The following INPP5D variants were observed in gnomAD, a reference collection of about 807,000 sequenced individuals.
INPP5D encodes the protein phosphatidylinositol 3,4,5-trisphosphate 5-phosphatase 1.
A neutral mutation model predicts 122.9 loss-of-function variants in INPP5D; 33 were observed. That is an observed-to-expected ratio of 0.27 (90% CI 0.20 to 0.36). The LOEUF (loss-of-function observed/expected upper bound fraction) is 0.36, where lower values mean the gene tolerates loss of function less well. Ranked by LOEUF, INPP5D falls within the 10% of genes least tolerant of loss-of-function variation. INPP5D has a pLI of 1.00. For missense variants in INPP5D, 1,053 were observed against 1,412.7 expected (o/e 0.75, Z 4.08); for synonymous variants, 584 against 576.2 (o/e 1.01, Z -0.19).
intron 1 of INPP5D, among the ~76,000 whole-genome samples, chr2:233,072,677 T>C (rs2106202716): frequency 6.6e-6 from 1 of 152,364 alleles, no homozygotes; most frequent in African/African-American, 2.4e-5. Context: ...TTTCCTCCCA[T>C]GTCACTTCTG....
intron 6 of INPP5D, among the ~76,000 whole-genome samples, chr2:233,142,817 G>C (rs1693659109): frequency 6.6e-6 from 1 of 152,150 alleles, no homozygotes; most frequent in Admixed American, 6.5e-5. Context: ...AACAGGCTAA[G>C]CTGTGAATTC....
intron 5 of INPP5D, among the ~76,000 whole-genome samples, chr2:233,138,885 A>G (rs1425603221): frequency 6.6e-6 from 1 of 150,766 alleles, no homozygotes; most frequent in African/African-American, 2.4e-5. Flanking sequence ...AGCTGGAACT[A>G]CAGGAGCCCG....
chr2:233,148,591 G>C (rs562950836), intron 9 of INPP5D, among the ~76,000 whole-genome samples: 1 of 152,248 alleles, frequency 6.6e-6, no homozygotes, highest in South Asian at 2.1e-4. Flanking sequence ...GCCCAGTGCG[G>C]GGCCACATGG....
At chr2:233,191,689 C>T (rs915813373) in intron 22 of INPP5D, among the ~76,000 whole-genome samples, 3 of 152,126 alleles carry the variant, frequency 2.0e-5, no homozygotes, top group South Asian at 2.1e-4. Flanking sequence ...ACTTGGTGAG[C>T]GCAGTGTCCG....
rs1183737422 is a variant in INPP5D, at chr2:233,184,416, A to G, written c.2170A>G (p.Thr724Ala). Residue 724 changes from threonine (T) to alanine (A), a missense_variant, in exon 20 of 27, where the codon ACT becomes GCT. Thr to Ala is a moderately conservative substitution (Grantham distance 58). Around this residue, in one of 6 missense-constraint regions of INPP5D, gnomAD observed 258 missense variants for 439.1 expected, o/e 0.59. Coordinates refer to ENST00000445964, the MANE Select transcript of INPP5D (RefSeq NM_001017915.3). ...GTTCTCCCCTGTTCCAGGTCCCGGGACTGTTGACAGCCAAGGACAGATTGA... is the reference window on the plus strand; with the variant it reads ...GTTCTCCCCTGTTCCAGGTCCCGGGGCTGTTGACAGCCAAGGACAGATTGA... Reference protein sequence around the residue: ...SQFVSKNGPGTVDSQGQIEFL... With the variant: ...SQFVSKNGPGAVDSQGQIEFL... 1 of 1,613,966 alleles carries G rather than the reference A, an allele frequency of 6.2e-7. No homozygotes were observed. Among genetic ancestry groups the G allele is most frequent in the South Asian group, 1.1e-5 (1 of 91,080 alleles).
chr2:233,166,976 T>C (rs1302084948), intron 13 of INPP5D, among the ~76,000 whole-genome samples: 10 of 149,706 alleles, frequency 6.7e-5, no homozygotes, highest in Admixed American at 6.6e-4. Context: ...AGAGCGAGAC[T>C]CTATCTCAAA....
intron 9 of INPP5D, among the ~76,000 whole-genome samples, chr2:233,148,644 G>A (rs1371470388): frequency 6.6e-6 from 1 of 152,148 alleles, no homozygotes; most frequent in Admixed American, 6.5e-5. Context: ...GCTGACGAAA[G>A]CATGAGAGTT....
chr2:233,151,719 C>G (rs36171197), intron 9 of INPP5D, among the ~76,000 whole-genome samples: 77,463 of 152,024 alleles, frequency 0.51, 20,403 homozygotes, highest in East Asian at 0.67. Flanking sequence ...TGGATTTTTT[C>G]GTTGTTGTTA....
rs927676742 is a variant in INPP5D at position 233,187,435 on chromosome 2, G to A, written c.2358+1510G>A. Reference sequence around the variant, plus strand: ...GGAGATTCCCTCAGAGGTGACACTCGAGGTGAATTTTAAAAGGACAGTCTT... The same window carrying A: ...GGAGATTCCCTCAGAGGTGACACTCAAGGTGAATTTTAAAAGGACAGTCTT... On this transcript the variant is annotated intron_variant, in intron 21 of 26. Transcript: ENST00000445964. Among the ~76,000 whole-genome samples the A allele has an allele frequency of 8.5e-5, 13 of 152,146 alleles. No homozygotes were observed. The East Asian group carries it at 9.6e-4, about 11-fold the overall frequency.
chr2:233,079,205 C>G (rs981746926), intron 1 of INPP5D, 130 bp from the exon 2 acceptor site: 5 of 652,418 alleles, frequency 7.7e-6, no homozygotes, highest in African/African-American at 7.2e-5. Context: ...CTTAAGAGAA[C>G]GGTCAGCTCC....
intron 17 of INPP5D, among the ~76,000 whole-genome samples, chr2:233,173,221 A>AG (rs1441942404): frequency 1.2e-3 from 180 of 152,012 alleles, no homozygotes; most frequent in Non-Finnish European, 2.1e-3. Context: ...AAAAAAAAAA[A>AG]AAAAAAGAAG....
intron 2 of INPP5D, among the ~76,000 whole-genome samples, chr2:233,101,354 G>A (rs1034874242): frequency 6.6e-6 from 1 of 152,040 alleles, no homozygotes; most frequent in Non-Finnish European, 1.5e-5. Context: ...TGTGTTATCA[G>A]CTCACATCTG....
intron 2 of INPP5D, among the ~76,000 whole-genome samples, chr2:233,098,549 C>G (rs901069920): frequency 1.9e-4 from 29 of 152,196 alleles, no homozygotes; most frequent in African/African-American, 7.0e-4. Flanking sequence ...AAATCCACTC[C>G]TGGATCCCGG....
chr2:233,161,620 T>C (rs565079247), intron 10 of INPP5D, 104 bp from the exon 11 acceptor site: 41 of 1,420,056 alleles, frequency 2.9e-5, no homozygotes, highest in Non-Finnish European at 3.8e-5. Flanking sequence ...TTCACACTGA[T>C]TTACGCTCCT....
At position 233,204,848 on chromosome 2, in the gene INPP5D, G is replaced by A. The variant is rs138939955; in HGVS notation, c.3567+131G>A. ...TGCATATGTGCGTGCATGTGTGAAC[G>A]CATGCATGTGCACACATGCGAGTGA... On this transcript the variant is annotated intron_variant, in intron 26 of 26. Transcript: ENST00000445964. 470 of 1,316,946 alleles carry A rather than the reference G, an allele frequency of 3.6e-4. 7 individuals are homozygous for A. The East Asian group carries it at 0.011, about 32-fold the overall frequency. The allele number at this position is 1,316,946 out of a possible 1,614,324, so 81.6% of individuals were successfully genotyped here. A position where few individuals can be genotyped will look rare whatever the true frequency, so the allele number is the denominator to read the frequency against.
At chr2:233,072,002 T>G (rs1357761065) in intron 1 of INPP5D, among the ~76,000 whole-genome samples, 1 of 152,212 alleles carries the variant, frequency 6.6e-6, no homozygotes, top group African/African-American at 2.4e-5. Flanking sequence ...CTTATTCAGA[T>G]TTCATAACTT....
chr2:233,091,632 G>A (rs926980060), intron 2 of INPP5D, among the ~76,000 whole-genome samples: 4 of 152,130 alleles, frequency 2.6e-5, no homozygotes, highest in African/African-American at 9.7e-5. Context: ...ACTCTTGAAC[G>A]TAGATTGGGA....
At chr2:233,121,121 CT>C (rs369587747) in intron 2 of INPP5D, among the ~76,000 whole-genome samples, 59,462 of 116,622 alleles carry the variant, frequency 0.51, 12,808 homozygotes, top group Middle Eastern at 0.55. Flanking sequence ...TTCTTTCTTT[CT>C]TTTTTTTTTT....
In INPP5D at chr2:233,128,899, G is replaced by A. The variant is rs1424971815; in HGVS notation, c.525-1609G>A. On this transcript the variant is annotated intron_variant, in intron 4 of 26. Coordinates refer to ENST00000445964, the MANE Select transcript of INPP5D (RefSeq NM_001017915.3). This position sits in a 1 kb window ranked among gnomAD's most constrained non-coding sequence, Gnocchi z 4.5. Reference sequence around the variant, plus strand: ...AGCCTGGAATAAAAATCTTTAAGGCGGCTGGGCAGGGTGGTTCACACCTGT... The same window carrying A: ...AGCCTGGAATAAAAATCTTTAAGGCAGCTGGGCAGGGTGGTTCACACCTGT... 6.6e-6 allele frequency among the ~76,000 whole-genome samples: 1 copy of A among 152,144 alleles called. No individual in the cohort carries two copies. The highest frequency in any genetic ancestry group is 2.4e-5 in the African/African-American group (1 of 41,418).
Sources: gnomAD v4.1 joint callset for allele counts (sites outside exome capture counted in the v4.1 genomes callset) on GRCh38, gnomAD v4.1.1 for gene constraint, gnomAD v4.1.1 regional missense constraint, Gnocchi (gnomAD v3.1) non-coding constraint, MANE v1.5 for transcripts, NCBI Gene and HGNC (gene_info 2026-07-23, HGNC 2026-07-21) for gene names.